Variants in LNX1 observed in about 807,000 individuals in gnomAD.
The protein encoded by LNX1 is E3 ubiquitin-protein ligase LNX.
Under a neutral mutation model 68.4 loss-of-function variants are expected in LNX1, and 54 were observed. The observed-to-expected ratio is 0.79, with a 90% confidence interval of 0.63 to 0.99. The LOEUF is 0.99. LNX1 is among the 50% of genes least tolerant of loss of function. The probability of loss-of-function intolerance (pLI) is 0.00; values close to 1 mark genes in which losing one functional copy is unlikely to be tolerated. For synonymous variants in LNX1, 336 were observed against 350.0 expected (o/e 0.96, Z 0.45); for missense variants, 906 against 926.4 (o/e 0.98, Z 0.29).
At chr4:53,567,860 AC>A (rs1730813557) in intron 2 of LNX1, among the ~76,000 whole-genome samples, 1 of 152,120 alleles carries the variant, frequency 6.6e-6, no homozygotes, top group African/African-American at 2.4e-5. Flanking sequence ...AGAGAATACT[AC>A]AAACACCTCT....
Position 53,544,193 on chromosome 4 carries a change from T to A in LNX1, c.380+29430A>T, listed in dbSNP as rs116310072. 4.1e-3 allele frequency among the ~76,000 whole-genome samples: 619 copies of A among 152,114 alleles called. 1 individual carries two copies. The highest frequency in any genetic ancestry group is 0.014 in the African/African-American group (596 of 41,474). On this transcript the variant is annotated intron_variant, in intron 2 of 10. Coordinates refer to ENST00000263925, the MANE Select transcript of LNX1 (RefSeq NM_001126328.3). Reference sequence around the variant, plus strand: ...AGCACCTGAGAGGTGCTGATTTCTCTCTCTCTCTCTCTTTTTTTTTTGAGA... The same window carrying A: ...AGCACCTGAGAGGTGCTGATTTCTCACTCTCTCTCTCTTTTTTTTTTGAGA...
At chr4:53,509,430 T>C (rs2109525437) in intron 2 of LNX1, among the ~76,000 whole-genome samples, 1 of 152,350 alleles carries the variant, frequency 6.6e-6, no homozygotes, top group South Asian at 2.1e-4. Context: ...ACATGATTTT[T>C]ACTGCCCATA....
At chr4:53,531,908 G>A (rs1191787477) in intron 2 of LNX1, among the ~76,000 whole-genome samples, 1 of 152,200 alleles carries the variant, frequency 6.6e-6, no homozygotes, top group Admixed American at 6.5e-5. Context: ...CTAGAGGAAT[G>A]TTTAGGGAAC....
intron 2 of LNX1, among the ~76,000 whole-genome samples, chr4:53,599,079 C>G (rs1281934618): frequency 6.6e-6 from 1 of 152,144 alleles, no homozygotes; most frequent in Admixed American, 6.5e-5. Context: ...AAGTACTTTC[C>G]TGAGTTTGCA....
At chr4:53,558,701 G>C (rs550830037) in intron 2 of LNX1, among the ~76,000 whole-genome samples, 2 of 152,194 alleles carry the variant, frequency 1.3e-5, no homozygotes, top group East Asian at 1.9e-4. Context: ...ACAATGTACA[G>C]GTTCCTGTTT....
intron 1 of LNX1, chr4:53,617,120 C>T (rs545085964): frequency 1.3e-5 from 2 of 152,200 alleles, no homozygotes; most frequent in Non-Finnish European, 2.9e-5. Flanking sequence ...AGAATCTTGG[C>T]TCTAAAGGGA....
chr4:53,530,836 C>T (rs529083025), intron 2 of LNX1, among the ~76,000 whole-genome samples: 4 of 152,068 alleles, frequency 2.6e-5, no homozygotes, highest in Non-Finnish European at 4.4e-5. Context: ...CTTTAAAATG[C>T]TCCAGAAAAA....
intron 2 of LNX1, among the ~76,000 whole-genome samples, chr4:53,529,216 T>C (rs1407489970): frequency 6.6e-6 from 1 of 151,274 alleles, no homozygotes; most frequent in Non-Finnish European, 1.5e-5. Context: ...ATCTAGGAGA[T>C]AAGGGCACTG....
At chr4:53,597,083 A>C (rs1054110784) in intron 2 of LNX1, among the ~76,000 whole-genome samples, 1 of 152,112 alleles carries the variant, frequency 6.6e-6, no homozygotes, top group African/African-American at 2.4e-5. Flanking sequence ...CCTTGCCAGC[A>C]TCTTCAGCTT....
chr4:53,519,055 GC>G (rs1242016349), intron 2 of LNX1, among the ~76,000 whole-genome samples: 2 of 152,156 alleles, frequency 1.3e-5, no homozygotes, highest in African/African-American at 2.4e-5. Flanking sequence ...ATTGCTGCAT[GC>G]CTCATAGGTC....
At chr4:53,513,549 T>A (rs1296528212) in intron 2 of LNX1, among the ~76,000 whole-genome samples, 1 of 152,212 alleles carries the variant, frequency 6.6e-6, no homozygotes, top group Non-Finnish European at 1.5e-5. Context: ...CCAAACCAGC[T>A]CTTCCCACAT....
intron 2 of LNX1, among the ~76,000 whole-genome samples, chr4:53,562,734 A>C (rs1404424963): frequency 6.6e-6 from 1 of 152,192 alleles, no homozygotes; most frequent in African/African-American, 2.4e-5. Flanking sequence ...AGTTAATAAC[A>C]ATGTATTGTG....
chr4:53,646,896 T>C (rs1049632449), intron 1 of LNX1, among the ~76,000 whole-genome samples: 10 of 152,186 alleles, frequency 6.6e-5, no homozygotes, highest in African/African-American at 2.4e-4. Context: ...CATGAGTAAA[T>C]AAACCACTCC....
At chr4:53,633,654 C>A (rs1388661931) in intron 1 of LNX1, among the ~76,000 whole-genome samples, 1 of 152,126 alleles carries the variant, frequency 6.6e-6, no homozygotes, top group Non-Finnish European at 1.5e-5. Context: ...GAAGGCTATG[C>A]TATTTTCCTC....
chr4:53,507,273 A>C, intron 4 of LNX1, 44 bp downstream of exon 4: 2 of 1,591,562 alleles, frequency 1.3e-6, no homozygotes, highest in Non-Finnish European at 1.7e-6. Flanking sequence ...GTCCCCCTGG[A>C]AGCCCAGCCC....
chr4:53,585,872 C>T (rs865921745), intron 1 of LNX1, among the ~76,000 whole-genome samples: 1 of 152,090 alleles, frequency 6.6e-6, no homozygotes, highest in African/African-American at 2.4e-5. Context: ...TTTGTTATGG[C>T]AGCCCTAGAA....
chr4:53,549,608 A>T (rs2109692815), intron 2 of LNX1: 1 of 152,076 alleles, frequency 6.6e-6, no homozygotes, highest in East Asian at 1.9e-4. Flanking sequence ...TTTCTTAAGA[A>T]TCTATCTTTA....
At chr4:53,512,925 G>A (rs1221664671) in intron 2 of LNX1, among the ~76,000 whole-genome samples, 6 of 152,156 alleles carry the variant, frequency 3.9e-5, no homozygotes, top group South Asian at 4.2e-4. Context: ...CTGAGCACTC[G>A]GGTGAGTTTG....
At chr4:53,624,066 C>T (rs1040172345) in intron 1 of LNX1, among the ~76,000 whole-genome samples, 6 of 152,186 alleles carry the variant, frequency 3.9e-5, no homozygotes, top group African/African-American at 9.7e-5. Flanking sequence ...GAGCTGGGCC[C>T]TCCATGACTC....
Sources: allele counts gnomAD v4.1 joint callset (sites outside exome capture counted in the v4.1 genomes callset), GRCh38; gene constraint gnomAD v4.1.1; transcripts MANE v1.5; gene names NCBI Gene and HGNC (gene_info 2026-07-23, HGNC 2026-07-21).